Variants in NRXN1 observed in about 807,000 individuals in gnomAD.
The protein encoded by NRXN1 is neurexin 1, also known as neurexin-1.
NRXN1 carries 39 observed loss-of-function variants against 150.9 expected under a neutral mutation model. The observed-to-expected ratio is 0.26, with a 90% CI of 0.20 to 0.34. NRXN1 has a LOEUF of 0.34. Ranked by LOEUF, NRXN1 falls within the 10% of genes least tolerant of loss-of-function variation. NRXN1 has a pLI of 1.00. For missense variants in NRXN1, 1,815 were observed against 1,949.9 expected, an observed-to-expected ratio of 0.93 and a Z score of 1.30; for synonymous variants, 924 against 757.0, an observed-to-expected ratio of 1.22 and a Z score of -3.62.
rs899545238 is a variant in NRXN1, at chr2:49,954,487, C to G, written c.4129-10696G>C. 2.0e-5 allele frequency among the ~76,000 whole-genome samples: 3 copies of G among 152,074 alleles called. No individual in the cohort carries two copies. In the East Asian group the frequency reaches 5.8e-4, roughly 29 times the overall value. Reference sequence around the variant, plus strand: ...ATCACTGCATCCAGAATTTACCACTCTGTTAAAACTACAGCATATAAATGA... The same window carrying G: ...ATCACTGCATCCAGAATTTACCACTGTGTTAAAACTACAGCATATAAATGA... On this transcript the variant is annotated intron_variant, in intron 21 of 22. Coordinates refer to ENST00000401669, the MANE Select transcript of NRXN1 (RefSeq NM_001330078.2).
At chr2:50,311,338 T>C (rs932371671) in intron 17 of NRXN1, among the ~76,000 whole-genome samples, 2 of 152,122 alleles carry the variant, frequency 1.3e-5, no homozygotes, top group African/African-American at 2.4e-5. Context: ...ACAGGTAATT[T>C]TGGAGAGTCT....
intron 17 of NRXN1, among the ~76,000 whole-genome samples, chr2:50,423,108 T>C (rs1304037980): frequency 6.6e-6 from 1 of 152,182 alleles, no homozygotes; most frequent in East Asian, 1.9e-4. Flanking sequence ...GAGAATTATT[T>C]CCTCATTCCC....
intron 18 of NRXN1, chr2:50,105,287 T>G (rs1379032209): frequency 6.6e-6 from 1 of 152,010 alleles, no homozygotes; most frequent in Non-Finnish European, 1.5e-5. Context: ...GAACTGCTAG[T>G]AAGTGAAATA....
intron 8 of NRXN1, among the ~76,000 whole-genome samples, chr2:50,583,478 C>T (rs1266224297): frequency 3.9e-5 from 6 of 152,184 alleles, no homozygotes; most frequent in African/African-American, 1.4e-4. Flanking sequence ...TGACAATGAA[C>T]TGTTGCATTT....
chr2:50,148,520 T>C (rs1412762505), intron 18 of NRXN1, among the ~76,000 whole-genome samples: 1 of 151,652 alleles, frequency 6.6e-6, no homozygotes, highest in African/African-American at 2.4e-5. Context: ...CTAATCACCA[T>C]TTGATTGAGT....
intron 18 of NRXN1, among the ~76,000 whole-genome samples, chr2:50,162,845 T>C (rs1379063816): frequency 6.6e-6 from 1 of 152,036 alleles, no homozygotes; most frequent in Non-Finnish European, 1.5e-5. Context: ...AAATTATCTT[T>C]GAAATATTTT....
At chr2:50,654,308 C>T (rs1291523204) in intron 5 of NRXN1, among the ~76,000 whole-genome samples, 1 of 150,010 alleles carries the variant, frequency 6.7e-6, no homozygotes, top group Non-Finnish European at 1.5e-5. Context: ...CCATAGTTTG[C>T]TGAGAATGAT....
At chr2:50,501,325 A>G (rs1014384208) in intron 13 of NRXN1, among the ~76,000 whole-genome samples, 2 of 151,790 alleles carry the variant, frequency 1.3e-5, no homozygotes, top group African/African-American at 4.8e-5. Context: ...GATTTCTCAT[A>G]GTGCTTCTTA....
intron 5 of NRXN1, among the ~76,000 whole-genome samples, chr2:50,786,881 T>C (rs998147542): frequency 1.2e-4 from 19 of 152,140 alleles, no homozygotes; most frequent in Non-Finnish European, 2.1e-4. Flanking sequence ...AACACCAAGC[T>C]AATAACATAT....
intron 21 of NRXN1, among the ~76,000 whole-genome samples, chr2:49,984,244 G>C (rs901670570): frequency 6.6e-6 from 1 of 152,072 alleles, no homozygotes; most frequent in Non-Finnish European, 1.5e-5. Context: ...TGAAAGATAA[G>C]TAATCTAACA....
At chr2:50,907,552 G>A in intron 5 of NRXN1, among the ~76,000 whole-genome samples, 1 of 152,032 alleles carries the variant, frequency 6.6e-6, no homozygotes, top group East Asian at 1.9e-4. Context: ...CTAATCAGCT[G>A]ACCTAACTAT....
intron 17 of NRXN1, among the ~76,000 whole-genome samples, chr2:50,308,027 G>A (rs1003374887): frequency 2.0e-5 from 3 of 152,148 alleles, no homozygotes; most frequent in Non-Finnish European, 4.4e-5. Context: ...AATATTTACT[G>A]CAGTCAAGCA....
At chr2:50,782,168 G>T (rs1483474742) in intron 5 of NRXN1, among the ~76,000 whole-genome samples, 1 of 151,584 alleles carries the variant, frequency 6.6e-6, no homozygotes, top group Non-Finnish European at 1.5e-5. Flanking sequence ...CAAATTATAG[G>T]TTATTTCCAA....
chr2:50,530,621 T>C (rs2093073920), intron 11 of NRXN1, among the ~76,000 whole-genome samples: 1 of 152,150 alleles, frequency 6.6e-6, no homozygotes, highest in Non-Finnish European at 1.5e-5. Flanking sequence ...AGCCTGTGTC[T>C]CTAGTGTTCT....
At chr2:50,545,460 A>T (rs1221641535) in intron 9 of NRXN1, among the ~76,000 whole-genome samples, 1 of 152,156 alleles carries the variant, frequency 6.6e-6, no homozygotes, top group African/African-American at 2.4e-5. Flanking sequence ...TTAGGGTGCT[A>T]CTGATGCCAT....
intron 22 of NRXN1, among the ~76,000 whole-genome samples, chr2:49,934,254 T>A (rs1036774492): frequency 1.3e-5 from 2 of 152,178 alleles, no homozygotes; most frequent in Non-Finnish European, 2.9e-5. Flanking sequence ...CTAAAATTGT[T>A]AAGTCAATTT....
At chr2:50,367,744 T>G (rs2079694564) in intron 17 of NRXN1, among the ~76,000 whole-genome samples, 1 of 152,036 alleles carries the variant, frequency 6.6e-6, no homozygotes, top group Non-Finnish European at 1.5e-5. Context: ...TTTTCATACT[T>G]AGCCAGTTCC....
intron 2 of NRXN1, among the ~76,000 whole-genome samples, chr2:50,996,354 G>GCC (rs1211526428): frequency 6.6e-6 from 1 of 152,018 alleles, no homozygotes; most frequent in Non-Finnish European, 1.5e-5. Context: ...CTGGGGTTAA[G>GCC]GTAAGAAATG....
intron 5 of NRXN1, among the ~76,000 whole-genome samples, 182 bp downstream of exon 5, chr2:50,921,687 G>A (rs1159050677): frequency 6.6e-6 from 1 of 151,536 alleles, no homozygotes; most frequent in Non-Finnish European, 1.5e-5. Context: ...AAAAGGGTGG[G>A]GGCGAAAATG....
Sources: allele counts gnomAD v4.1 joint callset (sites outside exome capture counted in the v4.1 genomes callset), GRCh38; gene constraint gnomAD v4.1.1; transcripts MANE v1.5; gene names NCBI Gene and HGNC (gene_info 2026-07-23, HGNC 2026-07-21).